The following IGF2BP3 variants were observed in gnomAD, a reference collection of about 807,000 sequenced individuals.
IGF2BP3 encodes insulin-like growth factor 2 mRNA-binding protein 3.
IGF2BP3 carries 9 observed loss-of-function variants against 73.8 expected under a neutral mutation model. The observed-to-expected ratio is 0.12, with a 90% confidence interval of 0.07 to 0.21. The LOEUF is 0.21. IGF2BP3 is among the 10% of genes least tolerant of loss of function. IGF2BP3 has a pLI of 1.00. For missense variants in IGF2BP3, 542 were observed against 714.0 expected, an observed-to-expected ratio of 0.76 and a Z score of 2.75; for synonymous variants, 258 against 256.7, an observed-to-expected ratio of 1.01 and a Z score of -0.05.
chr7:23,373,033 T>G (rs570665199), intron 3 of IGF2BP3, among the ~76,000 whole-genome samples: 1 of 152,286 alleles, frequency 6.6e-6, no homozygotes, highest in African/African-American at 2.4e-5. Flanking sequence ...CTATGCAATT[T>G]AAATAAAATA....
intron 3 of IGF2BP3, among the ~76,000 whole-genome samples, chr7:23,407,908 T>C (rs1467618685): frequency 8.5e-6 from 1 of 117,860 alleles, no homozygotes; most frequent in Non-Finnish European, 1.6e-5. Context: ...GTGGAGTTTA[T>C]CATAGGAATG....
In IGF2BP3 at chr7:23,469,921, C is replaced by T. The variant is rs754929740; in HGVS notation, c.175+15G>A. 4 of 1,597,628 alleles carry T rather than the reference C, an allele frequency of 2.5e-6. No homozygotes were observed. Among genetic ancestry groups the T allele is most frequent in the Non-Finnish European group, 3.4e-6 (4 of 1,173,758 alleles). On this transcript the variant is annotated intron_variant, in intron 1 of 14. Coordinates refer to ENST00000258729, the MANE Select transcript of IGF2BP3 (RefSeq NM_006547.3). The surrounding 1 kb of genome is among the most constrained non-coding windows in gnomAD (Gnocchi z 6.1). ...GCTGGGGCGAGAGCCCGGGTGGGGCCAGGCCCGGGCCCACCTGAAAGCGCC... is the reference window on the plus strand; with the variant it reads ...GCTGGGGCGAGAGCCCGGGTGGGGCTAGGCCCGGGCCCACCTGAAAGCGCC...
chr7:23,355,230 T>A (rs533003979), intron 5 of IGF2BP3, among the ~76,000 whole-genome samples: 16 of 150,954 alleles, frequency 1.1e-4, no homozygotes, highest in South Asian at 8.4e-4. Context: ...TTTTTATTTT[T>A]TTTTTTTTTG....
intron 3 of IGF2BP3, chr7:23,405,035 G>C (rs917337634): frequency 8.5e-5 from 13 of 152,092 alleles, no homozygotes; most frequent in Non-Finnish European, 1.9e-4. Flanking sequence ...CTAGTGCTGA[G>C]TCACATGGAA....
intron 3 of IGF2BP3, among the ~76,000 whole-genome samples, chr7:23,392,402 GA>G (rs11411929): frequency 1.2e-3 from 162 of 133,866 alleles, no homozygotes; most frequent in Non-Finnish European, 2.1e-3. Context: ...CCATTTGGAA[GA>G]AAAAAAAAAA....
At chr7:23,346,275 C>T in intron 7 of IGF2BP3, 1 of 487,076 alleles carries the variant, frequency 2.1e-6, no homozygotes. Flanking sequence ...TAAAATAGTT[C>T]TTATTTTATT....
intron 3 of IGF2BP3, among the ~76,000 whole-genome samples, chr7:23,397,465 C>T (rs752717749): frequency 6.6e-5 from 10 of 152,202 alleles, no homozygotes; most frequent in Non-Finnish European, 1.5e-4. Context: ...CTGCAGCCGT[C>T]TCCTCTAAGG....
At chr7:23,440,889 T>C (rs918156667) in intron 2 of IGF2BP3, among the ~76,000 whole-genome samples, 8 of 152,252 alleles carry the variant, frequency 5.3e-5, no homozygotes, top group African/African-American at 1.9e-4. Context: ...ACAATATCAG[T>C]TGCAAGCATT....
chr7:23,375,869 T>C (rs925646989), intron 3 of IGF2BP3, among the ~76,000 whole-genome samples: 13 of 152,182 alleles, frequency 8.5e-5, no homozygotes, highest in African/African-American at 3.1e-4. Context: ...AATTAGTCCT[T>C]CAGGTGTGCA....
chr7:23,310,794 T>C lies in IGF2BP3; in HGVS notation c.*1568A>G, dbSNP rs564715794. On this transcript the variant is annotated 3_prime_UTR_variant, in exon 15 of 15. Transcript: ENST00000258729. The stretch of plus-strand genomic sequence containing the variant: ...GAAATAAGAATGAGGCAGTGATTTT[T>C]TTTTTAAAGGGTTATATATATGTCC... 3.9e-5 allele frequency: 6 copies of C among 152,174 alleles called. No homozygotes were observed. The highest frequency in any genetic ancestry group is 7.3e-5 in the Non-Finnish European group (5 of 68,032). The allele number at this position is 152,174 out of a possible 1,614,324, so 9.4% of individuals were successfully genotyped here. A position where few individuals can be genotyped will look rare whatever the true frequency, so the allele number is the denominator to read the frequency against.
chr7:23,364,282 G>A (rs1279322457), intron 3 of IGF2BP3, among the ~76,000 whole-genome samples: 1 of 151,778 alleles, frequency 6.6e-6, no homozygotes, highest in Non-Finnish European at 1.5e-5. Context: ...GCTGAGGCAG[G>A]AGAACTGCTT....
intron 3 of IGF2BP3, among the ~76,000 whole-genome samples, chr7:23,393,325 T>C (rs541654760): frequency 6.6e-6 from 1 of 152,314 alleles, no homozygotes; most frequent in South Asian, 2.1e-4. Context: ...TAACAAGTTA[T>C]TATTAATAAC....
intron 2 of IGF2BP3, among the ~76,000 whole-genome samples, chr7:23,459,739 G>A (rs972470395): frequency 1.3e-5 from 2 of 152,098 alleles, no homozygotes; most frequent in Non-Finnish European, 2.9e-5. Flanking sequence ...GCTGAGGCAG[G>A]AGAATCACTT....
chr7:23,386,677 G>C (rs533466595), intron 3 of IGF2BP3, among the ~76,000 whole-genome samples: 1 of 152,202 alleles, frequency 6.6e-6, no homozygotes, highest in Non-Finnish European at 1.5e-5. Flanking sequence ...GAGATAGAGC[G>C]TAATTCTCCA....
chr7:23,405,415 T>C (rs1327703340), intron 3 of IGF2BP3, among the ~76,000 whole-genome samples: 1 of 152,188 alleles, frequency 6.6e-6, no homozygotes, highest in Non-Finnish European at 1.5e-5. Flanking sequence ...GATTTGCTTC[T>C]TTTTTTCCCT....
At chr7:23,403,672 G>A (rs1386555463) in intron 3 of IGF2BP3, among the ~76,000 whole-genome samples, 1 of 152,184 alleles carries the variant, frequency 6.6e-6, no homozygotes, top group African/African-American at 2.4e-5. Flanking sequence ...AGGAGGTTCT[G>A]CCTAGTTTAA....
At chr7:23,421,724 T>C in intron 2 of IGF2BP3, among the ~76,000 whole-genome samples, 1 of 151,892 alleles carries the variant, frequency 6.6e-6, no homozygotes, top group East Asian at 1.9e-4. Context: ...CACACTGTAT[T>C]TACCTGACTA....
chr7:23,398,006 G>A (rs1206836109), intron 3 of IGF2BP3, among the ~76,000 whole-genome samples: 1 of 152,128 alleles, frequency 6.6e-6, no homozygotes, highest in Non-Finnish European at 1.5e-5. Flanking sequence ...AGAGGCTGAA[G>A]TGGTACACTT....
intron 3 of IGF2BP3, among the ~76,000 whole-genome samples, chr7:23,382,894 C>CAAAAAAAAAAAAAAAAAAAAAAAAAA (rs57466793): frequency 2.0e-5 from 1 of 49,114 alleles, no homozygotes; most frequent in Non-Finnish European, 3.3e-5. Flanking sequence ...CTAGCTCTAC[C>CAAAAAAAAAAAAAAAAAAAAAAAAAA]AAAAAAAAAA....
Sources: gnomAD v4.1 joint callset for allele counts (sites outside exome capture counted in the v4.1 genomes callset) on GRCh38, gnomAD v4.1.1 for gene constraint, Gnocchi (gnomAD v3.1) non-coding constraint, MANE v1.5 for transcripts, NCBI Gene and HGNC (gene_info 2026-07-23, HGNC 2026-07-21) for gene names.